The following LRRC4C variants were observed in gnomAD, a reference collection of about 807,000 sequenced individuals.
LRRC4C encodes the protein leucine-rich repeat-containing protein 4C.
Under a neutral mutation model 33.6 loss-of-function variants are expected in LRRC4C, and 5 were observed. That is an observed-to-expected ratio of 0.15 (90% CI 0.08 to 0.31). The LOEUF (loss-of-function observed/expected upper bound fraction) is 0.31, where lower values mean the gene tolerates loss of function less well. Ranked by LOEUF, LRRC4C falls within the 10% of genes least tolerant of loss-of-function variation. LRRC4C has a pLI of 1.00. For missense variants in LRRC4C, 560 were observed against 796.7 expected (o/e 0.70, Z 3.58); for synonymous variants, 329 against 302.0 (o/e 1.09, Z -0.93).
chr11:40,271,680 C>T (rs147059411), intron 4 of LRRC4C, among the ~76,000 whole-genome samples: 317 of 152,284 alleles, frequency 2.1e-3, no homozygotes, highest in African/African-American at 7.3e-3. Context: ...ATAACACACT[C>T]ATTCTTCACT....
intron 5 of LRRC4C, among the ~76,000 whole-genome samples, chr11:40,177,098 C>A (rs946814569): frequency 2.0e-5 from 3 of 151,728 alleles, no homozygotes; most frequent in Non-Finnish European, 4.4e-5. Flanking sequence ...GGACTACAGG[C>A]GCCCGCCACC....
intron 1 of LRRC4C, among the ~76,000 whole-genome samples, chr11:40,950,477 T>C (rs1479439877): frequency 6.6e-6 from 1 of 152,092 alleles, no homozygotes; most frequent in Non-Finnish European, 1.5e-5. Flanking sequence ...ATAGAACTGA[T>C]GACATATTTT....
intron 1 of LRRC4C, among the ~76,000 whole-genome samples, chr11:41,360,694 T>C (rs1952324907): frequency 6.6e-6 from 1 of 152,060 alleles, no homozygotes; most frequent in South Asian, 2.1e-4. Flanking sequence ...AACACCTAAT[T>C]GGAAAAAGCA....
At chr11:40,295,481 C>A (rs1944463562) in intron 4 of LRRC4C, among the ~76,000 whole-genome samples, 1 of 152,046 alleles carries the variant, frequency 6.6e-6, no homozygotes, top group Non-Finnish European at 1.5e-5. Flanking sequence ...CGGAAGGTAG[C>A]ATCAAACAGA....
At chr11:40,276,831 G>C (rs1943143697) in intron 4 of LRRC4C, among the ~76,000 whole-genome samples, 1 of 151,924 alleles carries the variant, frequency 6.6e-6, no homozygotes, top group African/African-American at 2.4e-5. Context: ...AAAATAAAGG[G>C]CGATATGCTG....
chr11:40,554,510 G>T (rs1237196488), intron 3 of LRRC4C, among the ~76,000 whole-genome samples: 1 of 152,142 alleles, frequency 6.6e-6, no homozygotes, highest in East Asian at 1.9e-4. Context: ...ATGATGTTGT[G>T]ATTTGATATA....
chr11:41,121,039 C>A (rs1942400439), intron 1 of LRRC4C, among the ~76,000 whole-genome samples: 1 of 152,050 alleles, frequency 6.6e-6, no homozygotes. Flanking sequence ...AGCTTTTTTT[C>A]TTTATAAATT....
At chr11:40,701,512 G>A (rs1296125251) in intron 2 of LRRC4C, among the ~76,000 whole-genome samples, 2 of 151,512 alleles carry the variant, frequency 1.3e-5, no homozygotes, top group Non-Finnish European at 2.9e-5. Flanking sequence ...GTACTTATGT[G>A]ATGGCAAACG....
chr11:40,148,627 GGGTTGTCTGTTTATT>G (rs1857939929), intron 5 of LRRC4C, among the ~76,000 whole-genome samples: 1 of 151,978 alleles, frequency 6.6e-6, no homozygotes, highest in African/African-American at 2.4e-5. Context: ...TCCATTCTGG[GGGTTGTCTGTTTATT>G]CTGTTGGTAG....
At chr11:41,023,969 G>T (rs1003963768) in intron 1 of LRRC4C, among the ~76,000 whole-genome samples, 3 of 151,746 alleles carry the variant, frequency 2.0e-5, no homozygotes, top group Non-Finnish European at 4.4e-5. Context: ...TTTGTCAGGT[G>T]CTTGGCTTGT....
At chr11:40,197,518 G>C (rs951864107) in intron 5 of LRRC4C, among the ~76,000 whole-genome samples, 1 of 152,136 alleles carries the variant, frequency 6.6e-6, no homozygotes, top group Non-Finnish European at 1.5e-5. Context: ...TTACGCTTAG[G>C]ACTTTCCGTA....
At chr11:40,609,245 T>C (rs1484114681) in intron 3 of LRRC4C, among the ~76,000 whole-genome samples, 3 of 151,874 alleles carry the variant, frequency 2.0e-5, no homozygotes, top group Admixed American at 1.3e-4. Context: ...GGAATAAAAG[T>C]AGAAATCAAC....
At chr11:40,921,450 A>G (rs1957174637) in intron 2 of LRRC4C, among the ~76,000 whole-genome samples, 1 of 152,158 alleles carries the variant, frequency 6.6e-6, no homozygotes, top group South Asian at 2.1e-4. Context: ...AGCTGCAAAG[A>G]GCTGAATTTT....
intron 1 of LRRC4C, among the ~76,000 whole-genome samples, chr11:41,220,492 T>G (rs1288312652): frequency 6.7e-6 from 1 of 150,084 alleles, no homozygotes; most frequent in African/African-American, 2.5e-5. Flanking sequence ...ACAGCTTTTT[T>G]TTTTTCAAAT....
intron 2 of LRRC4C, among the ~76,000 whole-genome samples, chr11:40,654,876 C>T (rs982567105): frequency 6.6e-6 from 1 of 152,068 alleles, no homozygotes; most frequent in African/African-American, 2.4e-5. Context: ...GTGGTGGTTT[C>T]CCCCATGCCA....
chr11:41,055,153 T>C (rs1858528692), intron 1 of LRRC4C, among the ~76,000 whole-genome samples: 1 of 152,174 alleles, frequency 6.6e-6, no homozygotes, highest in East Asian at 1.9e-4. Context: ...ATACCACAAA[T>C]TAATTTTATT....
intron 1 of LRRC4C, among the ~76,000 whole-genome samples, chr11:40,950,489 C>A (rs2136709452): frequency 6.6e-6 from 1 of 151,988 alleles, no homozygotes. Flanking sequence ...ACATATTTTT[C>A]TTTGTATTAT....
At chr11:41,161,831 C>A (rs1048993699) in intron 1 of LRRC4C, among the ~76,000 whole-genome samples, 1 of 152,186 alleles carries the variant, frequency 6.6e-6, no homozygotes, top group Non-Finnish European at 1.5e-5. Context: ...GTCTAACTCA[C>A]TCAACCCAAC....
At chr11:41,450,711 G>C (rs1955990943) in intron 1 of LRRC4C, among the ~76,000 whole-genome samples, 1 of 152,082 alleles carries the variant, frequency 6.6e-6, no homozygotes, top group Non-Finnish European at 1.5e-5. Context: ...TGTCAATTTT[G>C]TGGGTTTTTA....
Sources: allele counts gnomAD v4.1 joint callset (sites outside exome capture counted in the v4.1 genomes callset), GRCh38; gene constraint gnomAD v4.1.1; transcripts MANE v1.5; gene names NCBI Gene and HGNC (gene_info 2026-07-23, HGNC 2026-07-21).